The following PHETA1 variants were observed in gnomAD, a reference collection of about 807,000 sequenced individuals.
PHETA1 encodes PH domain containing endocytic trafficking adaptor 1.
For missense variants in PHETA1, 348 were observed against 373.5 expected, an observed-to-expected ratio of 0.93 and a Z score of 0.56; for synonymous variants, 155 against 168.9, an observed-to-expected ratio of 0.92 and a Z score of 0.64.
At chr12:111,366,936 T>TA (rs965149869) in intron 1 of PHETA1, among the ~76,000 whole-genome samples, 1 of 149,358 alleles carries the variant, frequency 6.7e-6, no homozygotes, top group Non-Finnish European at 1.5e-5. Context: ...GGCATGGTGA[T>TA]ACAAGCCTCT....
At position 111,362,762 on chromosome 12, in the gene PHETA1, G is replaced by T. The variant is rs1490571998; in HGVS notation, c.666C>A (p.Ala222=). The T allele has an allele frequency of 1.3e-6, 2 of 1,540,994 alleles. No individual in the cohort carries two copies. ...ASAPHGPLDM[A]PFARLHECYG... ...AGCACTCGTGCAGCCGGGCGAAGGG[G>T]GCCATGTCCAGGGGCCCGTGGGGTG... is the stretch of plus-strand genomic sequence containing the variant. The change falls in exon 3 of 3, where the codon GCC becomes GCA. Residue 222 remains alanine, a synonymous_variant. Transcript: ENST00000683047.
At chr12:111,364,922 G>A (rs1465508597) in intron 2 of PHETA1, among the ~76,000 whole-genome samples, 1 of 152,016 alleles carries the variant, frequency 6.6e-6, no homozygotes, top group Admixed American at 6.6e-5. Flanking sequence ...GCCAGACTCC[G>A]TCTCAAAAAA....
chr12:111,365,472 C>T (rs1019195797), intron 2 of PHETA1: 12 of 455,768 alleles, frequency 2.6e-5, no homozygotes, highest in Admixed American at 4.7e-5. Flanking sequence ...TCCTAGAAGA[C>T]GGAACATGAG....
chr12:111,368,887 T>TG lies in PHETA1; in HGVS notation c.-182+24dup, dbSNP rs1157100045. ...GACCCGGGTCCCATGTCCTCGTGCATGTCCCCCCGCCAGGCCCGCCTTACC... is the reference window on the plus strand; with the variant it reads ...GACCCGGGTCCCATGTCCTCGTGCATGGTCCCCCCGCCAGGCCCGCCTTACC... On this transcript the variant is annotated intron_variant, in intron 1 of 2. Coordinates refer to ENST00000683047, the MANE Select transcript of PHETA1 (RefSeq NM_144671.6). The surrounding 1 kb of genome is among the most constrained non-coding windows in gnomAD (Gnocchi z 5.0). The TG allele has an allele frequency of 6.6e-6, 1 of 152,294 alleles. No individual in the cohort carries two copies. Among genetic ancestry groups the TG allele is most frequent in the Non-Finnish European group, 1.5e-5 (1 of 68,090 alleles). The allele number at this position is 152,294 out of a possible 1,614,324, so 9.4% of individuals were successfully genotyped here. A position where few individuals can be genotyped will look rare whatever the true frequency, so the allele number is the denominator to read the frequency against.
In PHETA1 at chr12:111,361,013, C is replaced by T. The variant is rs1804518186; in HGVS notation, c.*1665G>A. 1 of 152,356 alleles carries T rather than the reference C, an allele frequency of 6.6e-6. No individual in the cohort carries two copies. The highest frequency in any genetic ancestry group is 2.1e-4 in the South Asian group (1 of 4,820). The allele number at this position is 152,356 out of a possible 1,614,324, so 9.4% of individuals were successfully genotyped here. On this transcript the variant is annotated 3_prime_UTR_variant, in exon 3 of 3. Coordinates refer to ENST00000683047, the MANE Select transcript of PHETA1 (RefSeq NM_144671.6). The stretch of plus-strand genomic sequence containing the variant: ...AGGTGAGCGGGGACCATACCAAGAC[C>T]CCAGAGGTGCCTGTGGAGAGCAGGG...
In PHETA1 at chr12:111,367,170, C is replaced by A. The variant is rs1869085680; in HGVS notation, c.-181-913G>T. On this transcript the variant is annotated intron_variant, in intron 1 of 2. Coordinates refer to ENST00000683047, the MANE Select transcript of PHETA1 (RefSeq NM_144671.6). The surrounding 1 kb of genome is among the most constrained non-coding windows in gnomAD (Gnocchi z 4.0). Reference sequence around the variant, plus strand: ...CACATCCCCACCTCCAAGACTTGGTCCCGGCTGTCTGCCTGCAGGTCTTCA... The same window carrying A: ...CACATCCCCACCTCCAAGACTTGGTACCGGCTGTCTGCCTGCAGGTCTTCA... 1.3e-5 allele frequency among the ~76,000 whole-genome samples: 2 copies of A among 152,148 alleles called. No homozygotes were observed. Among genetic ancestry groups the A allele is most frequent in the Admixed American group, 1.3e-4 (2 of 15,270 alleles).
In PHETA1 at chr12:111,367,742, A is replaced by G. The variant is rs757107515; in HGVS notation, c.-182+1170T>C. On this transcript the variant is annotated intron_variant, in intron 1 of 2. Transcript: ENST00000683047. The surrounding 1 kb of genome is among the most constrained non-coding windows in gnomAD (Gnocchi z 4.0). ...CTGCCTCCACCAGAACTGGGAAGACAGGAAGCTGCAGGGGCACAGGCGCCA... is the reference window on the plus strand; with the variant it reads ...CTGCCTCCACCAGAACTGGGAAGACGGGAAGCTGCAGGGGCACAGGCGCCA... Among the ~76,000 whole-genome samples, 57 of 152,212 alleles carry G rather than the reference A, an allele frequency of 3.7e-4. No homozygotes were observed. The highest frequency in any genetic ancestry group is 6.0e-4 in the Non-Finnish European group (41 of 68,036).
chr12:111,363,802 C>A lies in PHETA1; in HGVS notation c.-36-339G>T. 1 of 1,261,574 alleles carries A rather than the reference C, an allele frequency of 7.9e-7. No individual in the cohort carries two copies. Among genetic ancestry groups the A allele is most frequent in the South Asian group, 1.3e-5 (1 of 75,724 alleles). 78.1% of individuals were successfully genotyped at this position (1,261,574 alleles called of 1,614,324 possible). ...TAGGTCACAGGGACTGGCCTGGCAC[C>A]AGTGCAACAGATGAGGAAACAGAGG... On this transcript the variant is annotated intron_variant, in intron 2 of 2. Coordinates refer to ENST00000683047, the MANE Select transcript of PHETA1 (RefSeq NM_144671.6). This position sits in a 1 kb window ranked among gnomAD's most constrained non-coding sequence, Gnocchi z 7.4.
Position 111,361,608 on chromosome 12 carries a change from G to T in PHETA1, c.*1070C>A. On this transcript the variant is annotated 3_prime_UTR_variant, in exon 3 of 3. Transcript: ENST00000683047. ...GGCGGTCAGCCCCGAAGCCAAGCAAGACCTGGTCCCCACCAGGAGTATGGG... is the reference window on the plus strand; with the variant it reads ...GGCGGTCAGCCCCGAAGCCAAGCAATACCTGGTCCCCACCAGGAGTATGGG... The T allele has an allele frequency of 3.5e-6, 1 of 289,684 alleles. No individual in the cohort carries two copies. Among genetic ancestry groups the T allele is most frequent in the South Asian group, 3.2e-5 (1 of 31,322 alleles). The allele number at this position is 289,684 out of a possible 1,614,324, so 17.9% of individuals were successfully genotyped here. A position where few individuals can be genotyped will look rare whatever the true frequency, so the allele number is the denominator to read the frequency against.
rs1411355149 is a variant in PHETA1, at chr12:111,368,683, C to T, written c.-182+229G>A. On this transcript the variant is annotated intron_variant, in intron 1 of 2. Coordinates refer to ENST00000683047, the MANE Select transcript of PHETA1 (RefSeq NM_144671.6). This position sits in a 1 kb window ranked among gnomAD's most constrained non-coding sequence, Gnocchi z 5.0. ...GGGTGATCAGCGGCAGAATGGGGGG[C>T]TTATCCGCAGTCCCCACCAGCGGCA... 6.6e-6 allele frequency among the ~76,000 whole-genome samples: 1 copy of T among 152,248 alleles called. No homozygotes were observed. Among genetic ancestry groups the T allele is most frequent in the Non-Finnish European group, 1.5e-5 (1 of 68,040 alleles).
rs1468752085 is a variant in PHETA1 at position 111,363,430 on chromosome 12, T to C, written c.-3A>G. The C allele has an allele frequency of 6.2e-7, 1 of 1,607,286 alleles. No individual in the cohort carries two copies. The highest frequency in any genetic ancestry group is 8.5e-7 in the Non-Finnish European group (1 of 1,176,054). Reference sequence around the variant, plus strand: ...AGGCTGCGCTCGTTCAGCTTCATGGTGGCAATCGCGGGGCCTGGAGGGGAG... The same window carrying C: ...AGGCTGCGCTCGTTCAGCTTCATGGCGGCAATCGCGGGGCCTGGAGGGGAG... On this transcript the variant is annotated 5_prime_UTR_variant, in exon 3 of 3. Transcript: ENST00000683047. This position sits in a 1 kb window ranked among gnomAD's most constrained non-coding sequence, Gnocchi z 7.4.
chr12:111,362,521 T>C lies in PHETA1; in HGVS notation c.*157A>G. 1 of 1,506,670 alleles carries C rather than the reference T, an allele frequency of 6.6e-7. No homozygotes were observed. Among genetic ancestry groups the C allele is most frequent in the Non-Finnish European group, 8.8e-7 (1 of 1,132,418 alleles). The allele number at this position is 1,506,670 out of a possible 1,614,324, so 93.3% of individuals were successfully genotyped here. On this transcript the variant is annotated 3_prime_UTR_variant, in exon 3 of 3. Transcript: ENST00000683047. ...GGCCCACTCAGAATCCAGCACCTTC[T>C]CAGAGCCTGCATCCCCCAAAACCAG...
In PHETA1 at chr12:111,363,066, C is replaced by T. The variant is rs761631071; in HGVS notation, c.362G>A (p.Arg121His). 2.2e-5 allele frequency: 34 copies of T among 1,574,032 alleles called. No homozygotes were observed. Among genetic ancestry groups the T allele is most frequent in the African/African-American group, 2.7e-5 (2 of 74,554 alleles). The change falls in exon 3 of 3, where the codon CGC (arginine) becomes CAC (histidine). Residue 121 changes from arginine to histidine, a missense_variant. Transcript: ENST00000683047. This position sits in a 1 kb window ranked among gnomAD's most constrained non-coding sequence, Gnocchi z 7.4. ...AGCCGCCAGCTGCTGCTCCAGCTCG[C>T]GCACCACCAGCCGCAGGTAGTCGAA... is the stretch of plus-strand genomic sequence containing the variant. Reference protein sequence around the residue: ...ASFDYLRLVVRELEQQLAAVR... With the variant: ...ASFDYLRLVVHELEQQLAAVR...
Position 111,361,724 on chromosome 12 carries a change from T to G in PHETA1, c.*954A>C. 2.8e-6 allele frequency: 1 copy of G among 359,322 alleles called. No homozygotes were observed. The highest frequency in any genetic ancestry group is 2.1e-5 in the South Asian group (1 of 48,488). 22.3% of individuals were successfully genotyped at this position (359,322 alleles called of 1,614,324 possible). On this transcript the variant is annotated 3_prime_UTR_variant, in exon 3 of 3. Coordinates refer to ENST00000683047, the MANE Select transcript of PHETA1 (RefSeq NM_144671.6). ...GAAGCCACACTCGGTGTGCGGCTTT[T>G]TCTCCGCCACTAGGTCAGCACCTGG...
At chr12:111,364,950 A>G (rs1229760374) in intron 2 of PHETA1, among the ~76,000 whole-genome samples, 1 of 152,170 alleles carries the variant, frequency 6.6e-6, no homozygotes, top group East Asian at 1.9e-4. Flanking sequence ...GAATTTGGGG[A>G]AAGATGCAGG....
rs1869159338 is a variant in PHETA1 at position 111,368,467 on chromosome 12, C to T, written c.-182+445G>A. Among the ~76,000 whole-genome samples the T allele has an allele frequency of 6.6e-6, 1 of 152,166 alleles. No individual in the cohort carries two copies. The highest frequency in any genetic ancestry group is 1.5e-5 in the Non-Finnish European group (1 of 68,024). ...GTGTGCCAAGAACACTAAAGAGCAG[C>T]CTGGCCGTCACCGCCCCAGCAGGGA... is the stretch of plus-strand genomic sequence containing the variant. On this transcript the variant is annotated intron_variant, in intron 1 of 2. Transcript: ENST00000683047. This position sits in a 1 kb window ranked among gnomAD's most constrained non-coding sequence, Gnocchi z 5.0.
In PHETA1 at chr12:111,361,358, A is replaced by C. The variant is rs1046638978; in HGVS notation, c.*1320T>G. On this transcript the variant is annotated 3_prime_UTR_variant, in exon 3 of 3. Transcript: ENST00000683047. ...ACACACACCCCTCCATATTTCCCCA[A>C]GCTCAAGGGTCTCCAGAGACAGAAG... 1 of 153,236 alleles carries C rather than the reference A, an allele frequency of 6.5e-6. No homozygotes were observed. Among genetic ancestry groups the C allele is most frequent in the African/African-American group, 2.4e-5 (1 of 41,416 alleles). The allele number at this position is 153,236 out of a possible 1,614,324, so 9.5% of individuals were successfully genotyped here.
chr12:111,366,297 T>C (rs1409966311), intron 1 of PHETA1, 40 bp from the exon 2 acceptor site: 1 of 154,654 alleles, frequency 6.5e-6, no homozygotes, highest in Non-Finnish European at 1.5e-5. Flanking sequence ...GTCAGGGCTG[T>C]TGTGACAATG....
rs1461961732 is a variant in PHETA1, at chr12:111,363,317, G to A, written c.111C>T (p.Arg37=). ...KGGRHAAYHR[R]WFVLRGNMLF... is the part of the protein sequence containing the mutation. ...GCATGTTCCCGCGCAGCACGAACCA[G>A]CGCCGGTGGTAGGCCGCGTGCCGCC... Residue 37 remains arginine, a synonymous_variant, in exon 3 of 3, where the codon CGC becomes CGT. Transcript: ENST00000683047. This position sits in a 1 kb window ranked among gnomAD's most constrained non-coding sequence, Gnocchi z 7.4. 1 of 1,613,094 alleles carries A rather than the reference G, an allele frequency of 6.2e-7. No homozygotes were observed. The highest frequency in any genetic ancestry group is 8.5e-7 in the Non-Finnish European group (1 of 1,179,974).
Sources: gnomAD v4.1 joint callset for allele counts (sites outside exome capture counted in the v4.1 genomes callset) on GRCh38, gnomAD v4.1.1 for gene constraint, Gnocchi (gnomAD v3.1) non-coding constraint, MANE v1.5 for transcripts, NCBI Gene and HGNC (gene_info 2026-07-23, HGNC 2026-07-21) for gene names.